CCDC171: variants seen among roughly 807,000 people sequenced by gnomAD.
The protein encoded by CCDC171 is coiled-coil domain-containing protein 171.
In CCDC171, 177 loss-of-function variants were observed where a neutral mutation model predicts 168.2. The ratio of observed to expected loss-of-function variants is 1.05; its 90% CI spans 0.93 to 1.19. The LOEUF is 1.19. Among genes scored for constraint, CCDC171 ranks in the 50% most tolerant of loss-of-function variants. The probability of loss-of-function intolerance (pLI) is 0.00; values close to 1 mark genes in which losing one functional copy is unlikely to be tolerated. For missense variants in CCDC171, 1,991 were observed against 1,539.0 expected, an observed-to-expected ratio of 1.29 and a Z score of -4.91; for synonymous variants, 687 against 540.8, an observed-to-expected ratio of 1.27 and a Z score of -3.75.
chr9:15,628,362 C>T (rs2045353789), intron 7 of CCDC171, among the ~76,000 whole-genome samples: 2 of 152,196 alleles, frequency 1.3e-5, no homozygotes, highest in Non-Finnish European at 2.9e-5. Context: ...AAAAACGGCG[C>T]ACCAGGAGAT....
chr9:15,878,687 A>G (rs972241965), intron 24 of CCDC171, among the ~76,000 whole-genome samples: 1 of 152,194 alleles, frequency 6.6e-6, no homozygotes, highest in Admixed American at 6.5e-5. Context: ...GCATATGTTC[A>G]CTGTAGCACT....
chr9:15,639,716 A>C (rs887106298), intron 7 of CCDC171, among the ~76,000 whole-genome samples: 2 of 152,104 alleles, frequency 1.3e-5, no homozygotes, highest in Non-Finnish European at 2.9e-5. Context: ...TCAGAACTGC[A>C]TAGTTAATCA....
chr9:15,799,980 C>T (rs943537268), intron 21 of CCDC171, among the ~76,000 whole-genome samples: 1 of 152,084 alleles, frequency 6.6e-6, no homozygotes, highest in Non-Finnish European at 1.5e-5. Context: ...CTGCGTAATA[C>T]TCTATTGTGT....
chr9:16,093,942 C>A, the CCDC171 span, among the ~76,000 whole-genome samples: 3 of 152,204 alleles, frequency 2.0e-5, no homozygotes, highest in Admixed American at 2.0e-4. Context: ...TATGGCCCCC[C>A]ACTGAGTGCT....
rs559246216 is a variant in CCDC171, at chr9:15,916,258, A to T, written c.3601-4012A>T. Among the ~76,000 whole-genome samples the T allele has an allele frequency of 1.2e-4, 19 of 152,040 alleles. No homozygotes were observed. The South Asian group carries it at 3.5e-3, about 28-fold the overall frequency. On this transcript the variant is annotated intron_variant, in intron 24 of 25. Transcript: ENST00000380701. ...GGTAACATTTACCTGAGCCTTTATT[A>T]TATGCCAGGTAGTTTAAGCTCATTT...
intron 21 of CCDC171, among the ~76,000 whole-genome samples, chr9:15,843,098 G>T (rs2060751509): frequency 6.6e-6 from 1 of 151,876 alleles, no homozygotes; most frequent in African/African-American, 2.4e-5. Context: ...TCAAATGTAA[G>T]TATTTTCTTA....
At chr9:16,098,916 C>T in the CCDC171 span, among the ~76,000 whole-genome samples, 2 of 152,208 alleles carry the variant, frequency 1.3e-5, no homozygotes, top group Non-Finnish European at 2.9e-5. Context: ...TGAGACTGCT[C>T]TGAGGATTTC....
chr9:15,914,637 C>T (rs1393289276), intron 24 of CCDC171, among the ~76,000 whole-genome samples: 1 of 151,996 alleles, frequency 6.6e-6, no homozygotes, highest in African/African-American at 2.4e-5. Flanking sequence ...GCTTCAGGCC[C>T]CTTTCCAGGG....
intron 6 of CCDC171, among the ~76,000 whole-genome samples, chr9:15,599,078 C>T (rs1481961338): frequency 6.6e-6 from 1 of 152,114 alleles, no homozygotes; most frequent in Non-Finnish European, 1.5e-5. Context: ...ATACAGCACG[C>T]TGATGGGCCT....
chr9:15,618,825 C>A (rs1485362075), intron 6 of CCDC171, among the ~76,000 whole-genome samples: 1 of 151,890 alleles, frequency 6.6e-6, no homozygotes, highest in Non-Finnish European at 1.5e-5. Context: ...GCTTGCTCTC[C>A]GTGGGTTGCA....
intron 25 of CCDC171, among the ~76,000 whole-genome samples, chr9:15,966,400 G>A (rs902877145): frequency 6.6e-6 from 1 of 152,204 alleles, no homozygotes; most frequent in African/African-American, 2.4e-5. Flanking sequence ...GGAAATGGTA[G>A]ATGAGGCTGG....
At chr9:15,624,444 C>G (rs1403571261) in intron 7 of CCDC171, among the ~76,000 whole-genome samples, 1 of 152,042 alleles carries the variant, frequency 6.6e-6, no homozygotes, top group Non-Finnish European at 1.5e-5. Context: ...GGTATATCTC[C>G]TAATGCTATC....
chr9:16,006,790 C>T (rs1348857599), intron 3 of CCDC171, among the ~76,000 whole-genome samples: 1 of 152,168 alleles, frequency 6.6e-6, no homozygotes, highest in Admixed American at 6.5e-5. Flanking sequence ...CATGGTATTC[C>T]ATGGTGTGTA....
At chr9:15,694,671 A>T (rs888541270) in intron 10 of CCDC171, among the ~76,000 whole-genome samples, 1 of 152,160 alleles carries the variant, frequency 6.6e-6, no homozygotes, top group Non-Finnish European at 1.5e-5. Flanking sequence ...CAGTCCAATC[A>T]GTGTGGTCTA....
intron 7 of CCDC171, among the ~76,000 whole-genome samples, chr9:15,624,500 C>A (rs186716693): frequency 2.6e-5 from 4 of 152,022 alleles, no homozygotes; most frequent in African/African-American, 7.2e-5. Flanking sequence ...GTGTGATGTT[C>A]CCCATCCTGT....
intron 24 of CCDC171, among the ~76,000 whole-genome samples, chr9:15,880,792 T>C (rs1818542601): frequency 6.6e-6 from 1 of 152,124 alleles, no homozygotes; most frequent in Non-Finnish European, 1.5e-5. Context: ...AAAAATATCT[T>C]TTACATTGAA....
At chr9:15,740,796 C>T (rs1470517658) in intron 16 of CCDC171, among the ~76,000 whole-genome samples, 1 of 152,070 alleles carries the variant, frequency 6.6e-6, no homozygotes, top group Non-Finnish European at 1.5e-5. Context: ...CCCTCTCATT[C>T]CTCTTCTTTT....
intron 25 of CCDC171, among the ~76,000 whole-genome samples, chr9:15,932,125 T>A (rs1826599355): frequency 1.3e-5 from 2 of 151,750 alleles, no homozygotes; most frequent in South Asian, 4.1e-4. Context: ...ATTTTAGCAC[T>A]TTTTTTTCCA....
At chr9:15,912,527 A>T (rs1823837910) in intron 24 of CCDC171, among the ~76,000 whole-genome samples, 1 of 152,058 alleles carries the variant, frequency 6.6e-6, no homozygotes. Flanking sequence ...TTCCTATTTG[A>T]ATACCCTTTA....
Sources: gnomAD v4.1 joint callset for allele counts (sites outside exome capture counted in the v4.1 genomes callset) on GRCh38, gnomAD v4.1.1 for gene constraint, MANE v1.5 for transcripts, NCBI Gene and HGNC (gene_info 2026-07-23, HGNC 2026-07-21) for gene names.